SGCZ: variants seen among roughly 807,000 people sequenced by gnomAD.
SGCZ encodes sarcoglycan zeta, also known as zeta-sarcoglycan.
SGCZ carries 40 observed loss-of-function variants against 41.3 expected under a neutral mutation model. That is an observed-to-expected ratio of 0.97 (90% CI 0.75 to 1.26). The LOEUF is 1.26. SGCZ is among the 50% of genes most tolerant of loss of function. The probability of loss-of-function intolerance (pLI) is 0.00; values close to 1 mark genes in which losing one functional copy is unlikely to be tolerated. For missense variants in SGCZ, 552 were observed against 369.8 expected (o/e 1.49, Z -4.04); for synonymous variants, 206 against 137.5 (o/e 1.50, Z -3.49).
intron 1 of SGCZ, among the ~76,000 whole-genome samples, chr8:14,601,450 T>A (rs1426374543): frequency 6.8e-6 from 1 of 147,792 alleles, no homozygotes; most frequent in Non-Finnish European, 1.5e-5. Context: ...TGAAGTTGGT[T>A]CCTTTTTTTT....
intron 1 of SGCZ, among the ~76,000 whole-genome samples, chr8:14,637,951 T>C (rs1189687681): frequency 6.6e-6 from 1 of 151,872 alleles, no homozygotes; most frequent in Non-Finnish European, 1.5e-5. Flanking sequence ...AAGTGTTCTG[T>C]TTTCTCCACA....
rs145029918 is a variant in SGCZ at position 14,087,730 on chromosome 8, C to CT, written c.*2712dup. On this transcript the variant is annotated 3_prime_UTR_variant, in exon 8 of 8. Transcript: ENST00000382080. ...CTATATTTTTAAAAAAAAAAAAATGCTTTTTTGTGTTTGAATGTGGAAAAC... is the reference window on the plus strand; with the variant it reads ...CTATATTTTTAAAAAAAAAAAAATGCTTTTTTTGTGTTTGAATGTGGAAAAC... 0.041 allele frequency among the ~76,000 whole-genome samples: 6,068 copies of CT among 148,676 alleles called. 420 individuals carry two copies. The highest frequency in any genetic ancestry group is 0.14 in the African/African-American group (5,707 of 40,550).
intron 1 of SGCZ, among the ~76,000 whole-genome samples, chr8:14,662,448 C>T (rs1585163466): frequency 6.6e-6 from 1 of 152,158 alleles, no homozygotes; most frequent in Non-Finnish European, 1.5e-5. Context: ...GAATATTAAT[C>T]TCTTCCCCAT....
intron 2 of SGCZ, among the ~76,000 whole-genome samples, chr8:14,519,601 T>A (rs1007463310): frequency 4.6e-5 from 7 of 152,130 alleles, no homozygotes; most frequent in African/African-American, 1.4e-4. Flanking sequence ...GGTAGTGTGC[T>A]AAGAATCAAT....
chr8:15,186,837 T>C (rs563587178), intron 1 of SGCZ, among the ~76,000 whole-genome samples: 53 of 152,308 alleles, frequency 3.5e-4, no homozygotes, highest in African/African-American at 1.3e-3. Flanking sequence ...CTGTGAACGC[T>C]TGTTTTTCAG....
chr8:14,784,748 C>G (rs1344378001), intron 1 of SGCZ, among the ~76,000 whole-genome samples: 1 of 150,080 alleles, frequency 6.7e-6, no homozygotes, highest in Non-Finnish European at 1.5e-5. Context: ...TACAAAAATA[C>G]AAAATTAGGC....
At chr8:14,862,577 TATATAC>T (rs1803791977) in intron 1 of SGCZ, among the ~76,000 whole-genome samples, 5 of 100,702 alleles carry the variant, frequency 5.0e-5, no homozygotes, top group South Asian at 3.2e-4. Context: ...TATATATATA[TATATAC>T]ACACACAATT....
intron 1 of SGCZ, among the ~76,000 whole-genome samples, chr8:14,825,564 T>C (rs986884258): frequency 6.6e-6 from 1 of 152,206 alleles, no homozygotes; most frequent in South Asian, 2.1e-4. Flanking sequence ...AACATGATGA[T>C]TTTATACATG....
rs369999015 is a variant in SGCZ, at chr8:15,066,734, C to A, written c.39+170851G>T. On this transcript the variant is annotated intron_variant, in intron 1 of 7. Transcript: ENST00000382080. Reference sequence around the variant, plus strand: ...GAATGTGCATCACTAGGCTTTTAGACCAGCTGATTTCCATTTCATAACTCT... The same window carrying A: ...GAATGTGCATCACTAGGCTTTTAGAACAGCTGATTTCCATTTCATAACTCT... 3.3e-5 allele frequency among the ~76,000 whole-genome samples: 5 copies of A among 152,192 alleles called. No homozygotes were observed. The East Asian group carries it at 7.7e-4, about 24-fold the overall frequency.
At chr8:14,891,082 A>C (rs1198931276) in intron 1 of SGCZ, among the ~76,000 whole-genome samples, 3 of 152,224 alleles carry the variant, frequency 2.0e-5, no homozygotes, top group Admixed American at 6.5e-5. Flanking sequence ...GAGATACACA[A>C]GGAGATTAAT....
intron 2 of SGCZ, among the ~76,000 whole-genome samples, chr8:14,364,862 T>A (rs1219625756): frequency 6.6e-6 from 1 of 152,156 alleles, no homozygotes; most frequent in East Asian, 1.9e-4. Flanking sequence ...ATTCATATAG[T>A]CAAGTCTAAC....
chr8:14,224,905 T>C (rs1206578559), intron 4 of SGCZ, among the ~76,000 whole-genome samples: 3 of 152,178 alleles, frequency 2.0e-5, no homozygotes, highest in African/African-American at 7.2e-5. Flanking sequence ...AAATATTCTC[T>C]ACATAAAGAA....
At chr8:14,271,554 G>T (rs1041120808) in intron 3 of SGCZ, among the ~76,000 whole-genome samples, 1 of 152,132 alleles carries the variant, frequency 6.6e-6, no homozygotes. Context: ...TTTTGACTTA[G>T]GTATTGGAAC....
intron 1 of SGCZ, among the ~76,000 whole-genome samples, chr8:15,213,581 C>A (rs1052276414): frequency 6.6e-6 from 1 of 151,280 alleles, no homozygotes; most frequent in Non-Finnish European, 1.5e-5. Context: ...AGAAACAAAT[C>A]CTAATTGCTT....
chr8:14,242,474 T>G (rs780704168), intron 3 of SGCZ, among the ~76,000 whole-genome samples: 3 of 152,172 alleles, frequency 2.0e-5, no homozygotes, highest in Admixed American at 6.5e-5. Flanking sequence ...ACTTCCAAGT[T>G]ACTCCACATT....
At position 14,108,174 on chromosome 8, in the gene SGCZ, G is replaced by C. The variant is rs765620587; in HGVS notation, c.609C>G (p.Ser203=). ...VETPHIRAEP[S]QDLRLESPTR... ...GAGGAAGCCCTTACCTGAGATCTTG[G>C]GATGGCTCTGCTCTGATGTGCGGCG... The change falls in exon 6 of 8, where the codon TCC becomes TCG. Residue 203 remains serine, a synonymous_variant. Transcript: ENST00000382080. 1.8e-4 allele frequency: 295 copies of C among 1,613,860 alleles called. No individual in the cohort carries two copies. Among genetic ancestry groups the C allele is most frequent in the Non-Finnish European group, 7.4e-5 (87 of 1,179,962 alleles).
intron 4 of SGCZ, among the ~76,000 whole-genome samples, chr8:14,222,264 G>C (rs766195006): frequency 6.6e-6 from 1 of 151,832 alleles, no homozygotes. Flanking sequence ...TCCGCCTCCC[G>C]GGTTCAAGCA....
intron 1 of SGCZ, among the ~76,000 whole-genome samples, chr8:15,173,674 G>C (rs1585639393): frequency 6.6e-6 from 1 of 152,190 alleles, no homozygotes; most frequent in East Asian, 1.9e-4. Context: ...ATTCCCTAAT[G>C]TCTATGTCTT....
At chr8:14,786,009 T>C (rs56137925) in intron 1 of SGCZ, among the ~76,000 whole-genome samples, 19,174 of 138,482 alleles carry the variant, frequency 0.14, 1,842 homozygotes, top group African/African-American at 0.33. Context: ...GAAAGAAAAT[T>C]TCTGTTTAGA....
Sources: allele counts gnomAD v4.1 joint callset (sites outside exome capture counted in the v4.1 genomes callset), GRCh38; gene constraint gnomAD v4.1.1; transcripts MANE v1.5; gene names NCBI Gene and HGNC (gene_info 2026-07-23, HGNC 2026-07-21).